FABP7: variants seen among roughly 807,000 people sequenced by gnomAD.
The protein encoded by FABP7 is fatty acid binding protein 7.
A neutral mutation model predicts 14.2 loss-of-function variants in FABP7; 13 were observed. The ratio of observed to expected loss-of-function variants is 0.91; its 90% CI spans 0.59 to 1.45. The LOEUF (loss-of-function observed/expected upper bound fraction) is 1.45. Among genes scored for constraint, FABP7 ranks in the 40% most tolerant of loss-of-function variants. The pLI, the probability that FABP7 is intolerant of heterozygous loss-of-function variation, is 0.00. For synonymous variants in FABP7, 49 were observed against 51.4 expected (o/e 0.95, Z 0.20); for missense variants, 149 against 157.6 (o/e 0.95, Z 0.29).
chr6:122,770,149 G>A, the FABP7 span, among the ~76,000 whole-genome samples: 1 of 151,780 alleles, frequency 6.6e-6, no homozygotes, highest in Non-Finnish European at 1.5e-5. Flanking sequence ...CTCATCTGGA[G>A]GCCCAAATGA....
chr6:122,777,240 T>C (rs2115139506), upstream of FABP7, among the ~76,000 whole-genome samples: 1 of 152,322 alleles, frequency 6.6e-6, no homozygotes, highest in South Asian at 2.1e-4. Context: ...ATGAAACATA[T>C]AGCAATAATT....
At chr6:122,782,852 A>T in intron 3 of FABP7, 1 of 985,288 alleles carries the variant, frequency 1.0e-6, no homozygotes, top group Non-Finnish European at 1.2e-6. Flanking sequence ...ATTTGCTCAC[A>T]TTTTTTTGGC....
chr6:122,777,253 T>A (rs977435970), upstream of FABP7, among the ~76,000 whole-genome samples: 19 of 152,208 alleles, frequency 1.2e-4, no homozygotes, highest in African/African-American at 4.3e-4. Context: ...CAATAATTTG[T>A]AACAAAACAA....
chr6:122,751,559 C>CT, the FABP7 span, among the ~76,000 whole-genome samples: 1 of 152,154 alleles, frequency 6.6e-6, no homozygotes, highest in African/African-American at 2.4e-5. Context: ...GTTATTTTCA[C>CT]TTTTTTTGAG....
chr6:122,783,993 T>C lies in FABP7; in HGVS notation c.*226T>C, dbSNP rs1443534572. The C allele has an allele frequency of 9.0e-6, 3 of 331,760 alleles. No individual in the cohort carries two copies. Among genetic ancestry groups the C allele is most frequent in the South Asian group, 7.3e-5 (1 of 13,740 alleles). The allele number at this position is 331,760 out of a possible 1,614,324, so 20.6% of individuals were successfully genotyped here. A position where few individuals can be genotyped will look rare whatever the true frequency, so the allele number is the denominator to read the frequency against. On this transcript the variant is annotated 3_prime_UTR_variant, in exon 4 of 4. Coordinates refer to ENST00000368444, the MANE Select transcript of FABP7 (RefSeq NM_001446.5). ...AATTAAAGTTTTGTCCCCCCCCCCC[T>C]TTTTTTTATAAACAAGTGAATACAT...
the FABP7 span, among the ~76,000 whole-genome samples, chr6:122,773,214 C>T: frequency 6.6e-6 from 1 of 152,096 alleles, no homozygotes; most frequent in Non-Finnish European, 1.5e-5. Flanking sequence ...ATTATGCAAC[C>T]CTTGCTGACA....
At chr6:122,758,105 CTTTTTTT>C in the FABP7 span, among the ~76,000 whole-genome samples, 2 of 118,376 alleles carry the variant, frequency 1.7e-5, no homozygotes, top group African/African-American at 3.0e-5. Flanking sequence ...TATTATCTAG[CTTTTTTT>C]TTTTTTTTTT....
chr6:122,760,502 C>G, the FABP7 span, among the ~76,000 whole-genome samples: 3 of 150,006 alleles, frequency 2.0e-5, no homozygotes, highest in Admixed American at 2.0e-4. Flanking sequence ...CCATCTTGCT[C>G]TTTGATTTCT....
At chr6:122,757,573 A>G in the FABP7 span, among the ~76,000 whole-genome samples, 1 of 152,088 alleles carries the variant, frequency 6.6e-6, no homozygotes, top group East Asian at 1.9e-4. Flanking sequence ...CACAAATTAA[A>G]CAGAGTTTGC....
upstream of FABP7, among the ~76,000 whole-genome samples, chr6:122,777,352 C>G (rs569758578): frequency 6.6e-6 from 1 of 152,004 alleles, no homozygotes; most frequent in Non-Finnish European, 1.5e-5. Context: ...AAATCCTAAG[C>G]ACCCCCACAT....
At chr6:122,782,003 C>T (rs567480807) in intron 3 of FABP7, 43 of 925,296 alleles carry the variant, frequency 4.6e-5, no homozygotes, top group Admixed American at 2.5e-4. Context: ...CCTGCTGCCT[C>T]GGCCTCCCAG....
intron 3 of FABP7, 72 bp from the exon 4 acceptor site, chr6:122,783,645 T>C (rs1431917083): frequency 1.3e-6 from 2 of 1,545,934 alleles, no homozygotes; most frequent in East Asian, 2.4e-5. Context: ...AGATCACATA[T>C]ATGATGATCT....
chr6:122,768,688 G>A, the FABP7 span, among the ~76,000 whole-genome samples: 1 of 152,142 alleles, frequency 6.6e-6, no homozygotes. Context: ...ACATGGACAA[G>A]TGATAAGATT....
Position 122,780,476 on chromosome 6 carries a change from T to G in FABP7, c.246+13T>G, listed in dbSNP as rs777744135. ...TAGAAACTGTAAGGTGAGAAACTGC[T>G]TCTTCTTCAGAGTGGGGATGGGGAG... On this transcript the variant is annotated intron_variant, in intron 2 of 3. Transcript: ENST00000368444. 5 of 1,606,244 alleles carry G rather than the reference T, an allele frequency of 3.1e-6. No homozygotes were observed.
Position 122,779,873 on chromosome 6 carries a change from T to C in FABP7, c.73+6T>C. 1 of 1,613,310 alleles carries C rather than the reference T, an allele frequency of 6.2e-7. No individual in the cohort carries two copies. Among genetic ancestry groups the C allele is most frequent in the African/African-American group, 1.3e-5 (1 of 75,034 alleles). On this transcript the variant is annotated splice_donor_region_variant and intron_variant, in intron 1 of 3. Transcript: ENST00000368444. ...TGAGTACATGAAGGCTCTAGGTAGG[T>C]AACAATAAGACCGGCTGTTCTCTTC...
upstream of FABP7, among the ~76,000 whole-genome samples, chr6:122,777,472 G>A (rs34962956): frequency 0.37 from 56,148 of 151,860 alleles, 11,026 homozygotes; most frequent in Non-Finnish European, 0.45. Context: ...TGACTTTTTG[G>A]AGTTTAGACA....
At chr6:122,776,656 G>A (rs556457578), upstream of FABP7, among the ~76,000 whole-genome samples, 646 of 152,202 alleles carry the variant, frequency 4.2e-3, 7 homozygotes, top group African/African-American at 0.015. Flanking sequence ...TTTCAAAATA[G>A]CTAGAAAAGA....
At chr6:122,757,894 GAGAT>G in the FABP7 span, among the ~76,000 whole-genome samples, 2 of 152,054 alleles carry the variant, frequency 1.3e-5, no homozygotes, top group Admixed American at 1.3e-4. Flanking sequence ...TATATAAAAT[GAGAT>G]AGAATTTGAT....
At chr6:122,781,592 A>T (rs957018012) in intron 3 of FABP7, 1 of 1,176,584 alleles carries the variant, frequency 8.5e-7, no homozygotes, top group Admixed American at 3.9e-5. Context: ...CAGACAGATG[A>T]CTTTATAGCT....
Sources: gnomAD v4.1 joint callset for allele counts (sites outside exome capture counted in the v4.1 genomes callset) on GRCh38, gnomAD v4.1.1 for gene constraint, MANE v1.5 for transcripts, NCBI Gene and HGNC (gene_info 2026-07-23, HGNC 2026-07-21) for gene names.